The following LRP2 variants were observed in gnomAD, a reference collection of about 807,000 sequenced individuals.
The protein encoded by LRP2 is low-density lipoprotein receptor-related protein 2.
LRP2 carries 172 observed loss-of-function variants against 531.0 expected under a neutral mutation model. The ratio of observed to expected loss-of-function variants is 0.32; its 90% CI spans 0.29 to 0.37. The LOEUF (loss-of-function observed/expected upper bound fraction) is 0.37. Among genes scored for constraint, LRP2 ranks in the 10% least tolerant of loss-of-function variants. The pLI is 1.00. For missense variants in LRP2, 5,167 were observed against 5,868.3 expected (o/e 0.88, Z 3.90); for synonymous variants, 1,992 against 2,027.6 (o/e 0.98, Z 0.47).
chr2:169,282,930 G>T lies in LRP2; in HGVS notation c.1114C>A (p.His372Asn). 2 of 1,613,928 alleles carry T rather than the reference G, an allele frequency of 1.2e-6. No homozygotes were observed. The highest frequency in any genetic ancestry group is 2.2e-5 in the East Asian group (1 of 44,876). ...TCCAAGATATACCCTTCTTCACAGT[G>T]GCACAGGTGACGGCCAGGTCGGCTT... ...CESRPGRHLC[H>N]CEEGYILERG... The change falls in exon 10 of 79, where the codon CAC (histidine) becomes AAC (asparagine). Residue 372 changes from histidine (H) to asparagine (N), a missense_variant. Physicochemically the swap from His to Asn is moderately conservative, Grantham distance 68. This residue lies in a region of LRP2 where 2,811 missense variants were observed against 3,058.0 expected (regional missense o/e 0.92). Coordinates refer to ENST00000649046, the MANE Select transcript of LRP2 (RefSeq NM_004525.3).
intron 33 of LRP2, 65 bp from the exon 34 acceptor site, chr2:169,220,628 A>G (rs1176262945): frequency 8.5e-6 from 9 of 1,058,304 alleles, no homozygotes; most frequent in Non-Finnish European, 1.3e-5. Flanking sequence ...ACTGAGATGA[A>G]GGAGAACTTA....
intron 48 of LRP2, among the ~76,000 whole-genome samples, chr2:169,189,866 AAGAG>A (rs970245080): frequency 1.3e-5 from 2 of 152,166 alleles, no homozygotes; most frequent in South Asian, 2.1e-4. Flanking sequence ...GAAAAAAAGA[AAGAG>A]AGAGAGAAAG....
intron 45 of LRP2, among the ~76,000 whole-genome samples, chr2:169,198,343 G>T (rs933045934): frequency 1.6e-4 from 25 of 152,178 alleles, no homozygotes; most frequent in African/African-American, 5.8e-4. Flanking sequence ...GAGCACAGGA[G>T]GCAGAGGCTG....
chr2:169,358,445 T>C (rs1686050636), intron 1 of LRP2, among the ~76,000 whole-genome samples: 1 of 152,146 alleles, frequency 6.6e-6, no homozygotes, highest in Admixed American at 6.6e-5. Context: ...GACAGGTGCA[T>C]GACTGAAGGG....
chr2:169,302,110 C>T (rs546351412), intron 4 of LRP2, among the ~76,000 whole-genome samples: 42 of 152,178 alleles, frequency 2.8e-4, no homozygotes, highest in African/African-American at 9.4e-4. Flanking sequence ...TTCCATGCAT[C>T]GTCACTGCAG....
At chr2:169,285,079 TG>T (rs1272920649) in intron 9 of LRP2, among the ~76,000 whole-genome samples, 2 of 148,174 alleles carry the variant, frequency 1.3e-5, no homozygotes, top group African/African-American at 5.0e-5. Context: ...GAGGGTAAGG[TG>T]GGAGGATTGC....
Position 169,181,644 on chromosome 2 carries a change from G to A in LRP2, c.9999-26C>T, listed in dbSNP as rs778795503. The A allele has an allele frequency of 6.7e-5, 108 of 1,607,480 alleles. No individual in the cohort carries two copies. In the Middle Eastern group the frequency reaches 1.2e-3, roughly 18 times the overall value. On this transcript the variant is annotated intron_variant, in intron 51 of 78. Transcript: ENST00000649046. Reference sequence around the variant, plus strand: ...CTGTCAGGGCAAACACAAAGGGTCAGTCCCTGATGCCAAAAGAAGTCAGTA... The same window carrying A: ...CTGTCAGGGCAAACACAAAGGGTCAATCCCTGATGCCAAAAGAAGTCAGTA...
intron 16 of LRP2, among the ~76,000 whole-genome samples, chr2:169,259,859 T>G (rs182178946): frequency 1.8e-4 from 28 of 152,220 alleles, no homozygotes; most frequent in Admixed American, 1.8e-3. Context: ...TACCTCTTTC[T>G]TTTGCAGTAG....
At position 169,162,425 on chromosome 2, in the gene LRP2, T is replaced by C. The variant is rs74509822; in HGVS notation, c.11887+47A>G. The C allele has an allele frequency of 0.017, 27,489 of 1,608,970 alleles. 295 individuals carry two copies. The highest frequency in any genetic ancestry group is 0.02 in the Non-Finnish European group (23,555 of 1,176,144). On this transcript the variant is annotated intron_variant, in intron 63 of 78. Transcript: ENST00000649046. ...TATGTTATTGCATGTTTTAATTAGG[T>C]AAACCTGAGTTACTACAATGAACTA...
intron 4 of LRP2, among the ~76,000 whole-genome samples, chr2:169,306,677 G>A (rs1319472294): frequency 6.7e-6 from 1 of 150,270 alleles, no homozygotes; most frequent in East Asian, 2.0e-4. Context: ...CTCGAAAGAG[G>A]AAGATTGTTC....
intron 71 of LRP2, among the ~76,000 whole-genome samples, chr2:169,141,279 A>ACTATC (rs1685709723): frequency 6.6e-6 from 1 of 152,192 alleles, no homozygotes; most frequent in East Asian, 1.9e-4. Flanking sequence ...TTCCCTGAAC[A>ACTATC]CTATCTAAAG....
At chr2:169,170,919 CTG>C (rs1336249098) in intron 58 of LRP2, among the ~76,000 whole-genome samples, 2 of 76,584 alleles carry the variant, frequency 2.6e-5, no homozygotes, top group Non-Finnish European at 5.4e-5. Flanking sequence ...CTCTCTCTCT[CTG>C]TTTTTTTTTT....
intron 13 of LRP2, 67 bp downstream of exon 13, chr2:169,277,678 T>C: frequency 7.2e-7 from 1 of 1,379,732 alleles, no homozygotes; most frequent in Non-Finnish European, 1.0e-6. Context: ...TTGATATTTC[T>C]CTGCAGCCAT....
At chr2:169,222,032 T>TG (rs1164840783) in intron 33 of LRP2, among the ~76,000 whole-genome samples, 1 of 152,190 alleles carries the variant, frequency 6.6e-6, no homozygotes, top group African/African-American at 2.4e-5. Flanking sequence ...ATTTTCAAGT[T>TG]GGAGTTAAAC....
chr2:169,300,370 T>C (rs830964), intron 4 of LRP2, among the ~76,000 whole-genome samples: 94,563 of 151,846 alleles, frequency 0.62, 30,797 homozygotes, highest in Middle Eastern at 0.77. Context: ...ATGGCAGTCA[T>C]TGGTAGCATT....
chr2:169,245,184 A>G (rs1689961022), intron 21 of LRP2, among the ~76,000 whole-genome samples: 1 of 152,200 alleles, frequency 6.6e-6, no homozygotes, highest in South Asian at 2.1e-4. Flanking sequence ...AAATCCTCAC[A>G]AGAATACTAT....
intron 1 of LRP2, among the ~76,000 whole-genome samples, chr2:169,323,785 T>G (rs900212770): frequency 1.3e-5 from 2 of 152,006 alleles, no homozygotes; most frequent in Non-Finnish European, 2.9e-5. Context: ...GAAGTAATCT[T>G]GCAAATAATC....
rs1338933587 is a variant in LRP2, at chr2:169,213,686, A to G, written c.6011T>C (p.Leu2004Pro). 5 of 1,613,280 alleles carry G rather than the reference A, an allele frequency of 3.1e-6. No homozygotes were observed. Among genetic ancestry groups the G allele is most frequent in the South Asian group, 1.1e-5 (1 of 91,056 alleles). Residue 2004 changes from leucine to proline, a missense_variant, in exon 36 of 79, where the codon CTG (leucine) becomes CCG (proline). By Grantham distance (98) the Leu-to-Pro change is moderately conservative (BLOSUM62 -3). Around this residue, in one of 6 missense-constraint regions of LRP2, gnomAD observed 2,811 missense variants for 3,058.0 expected, o/e 0.92. Transcript: ENST00000649046. Reference sequence around the variant, plus strand: ...TCTGTGATAAACTTGAAGACCCCTCAGATTTGGAACATTATCTCTCAAGAC... The same window carrying G: ...TCTGTGATAAACTTGAAGACCCCTCGGATTTGGAACATTATCTCTCAAGAC... ...KIVLRDNVPN[L>P]RGLQVYHRRN...
At chr2:169,235,062 C>A (rs1689553612) in intron 29 of LRP2, among the ~76,000 whole-genome samples, 2 of 151,728 alleles carry the variant, frequency 1.3e-5, no homozygotes, top group South Asian at 4.2e-4. Context: ...AGGCAAACAC[C>A]CCCATGCCCA....
Sources: allele counts gnomAD v4.1 joint callset (sites outside exome capture counted in the v4.1 genomes callset), GRCh38; gene constraint gnomAD v4.1.1; regional missense constraint gnomAD v4.1.1; transcripts MANE v1.5; gene names NCBI Gene and HGNC (gene_info 2026-07-23, HGNC 2026-07-21).